The following ADGRB3 variants were observed in gnomAD, a reference collection of about 807,000 sequenced individuals.
ADGRB3 encodes the protein adhesion G protein-coupled receptor B3.
Under a neutral mutation model 193.4 loss-of-function variants are expected in ADGRB3, and 37 were observed. The observed-to-expected ratio is 0.19, with a 90% CI of 0.15 to 0.25. The LOEUF is 0.25. Ranked by LOEUF, ADGRB3 falls within the 10% of genes least tolerant of loss-of-function variation. The pLI is 1.00. For synonymous variants in ADGRB3, 690 were observed against 644.2 expected (o/e 1.07, Z -1.08); for missense variants, 1,637 against 1,852.9 (o/e 0.88, Z 2.14).
intron 3 of ADGRB3, among the ~76,000 whole-genome samples, chr6:68,732,248 T>C (rs532375243): frequency 3.5e-4 from 53 of 151,882 alleles, no homozygotes; most frequent in African/African-American, 1.3e-3. Flanking sequence ...GGGAGTTTGT[T>C]AGAGATTATT....
intron 31 of ADGRB3, among the ~76,000 whole-genome samples, chr6:69,383,716 C>A (rs1770001414): frequency 1.3e-5 from 2 of 152,000 alleles, no homozygotes; most frequent in Non-Finnish European, 1.5e-5. Flanking sequence ...TAATGTATAT[C>A]TTCCGTCATT....
At chr6:68,855,616 CAT>C (rs1303140648) in intron 3 of ADGRB3, among the ~76,000 whole-genome samples, 21 of 152,124 alleles carry the variant, frequency 1.4e-4, no homozygotes, top group Admixed American at 8.5e-4. Flanking sequence ...TTTTGTAACA[CAT>C]GTTAGATGAT....
At chr6:69,353,954 T>C (rs984539437) in intron 26 of ADGRB3, among the ~76,000 whole-genome samples, 1 of 152,034 alleles carries the variant, frequency 6.6e-6, no homozygotes, top group African/African-American at 2.4e-5. Context: ...TCCCAGCTAC[T>C]TGAGAGGCTG....
chr6:68,984,385 G>A (rs1386971197), intron 10 of ADGRB3, among the ~76,000 whole-genome samples: 2 of 152,210 alleles, frequency 1.3e-5, no homozygotes, highest in East Asian at 3.9e-4. Context: ...ATGAGGTTTT[G>A]GGTTGTCAAA....
At chr6:69,022,524 T>C (rs1271581937) in intron 13 of ADGRB3, among the ~76,000 whole-genome samples, 1 of 151,938 alleles carries the variant, frequency 6.6e-6, no homozygotes, top group Non-Finnish European at 1.5e-5. Context: ...TCTTATTATC[T>C]TTCTGAAGCT....
At chr6:69,349,369 A>C (rs1220273829) in intron 26 of ADGRB3, among the ~76,000 whole-genome samples, 1 of 152,246 alleles carries the variant, frequency 6.6e-6, no homozygotes, top group African/African-American at 2.4e-5. Flanking sequence ...TCCTTTAGAT[A>C]TTAAGGGATT....
intron 3 of ADGRB3, among the ~76,000 whole-genome samples, chr6:68,837,792 C>T (rs760887828): frequency 6.6e-6 from 1 of 152,114 alleles, no homozygotes; most frequent in Non-Finnish European, 1.5e-5. Flanking sequence ...GTGGATTTAT[C>T]GTTTGAGCCA....
chr6:69,004,793 C>A (rs1365487929), intron 11 of ADGRB3, among the ~76,000 whole-genome samples: 1 of 152,012 alleles, frequency 6.6e-6, no homozygotes, highest in African/African-American at 2.4e-5. Context: ...TTTAACATAA[C>A]GATTTTGGGG....
At chr6:69,240,697 A>G (rs1766366656) in intron 20 of ADGRB3, among the ~76,000 whole-genome samples, 1 of 152,032 alleles carries the variant, frequency 6.6e-6, no homozygotes, top group African/African-American at 2.4e-5. Context: ...AAGTAGAGAT[A>G]AAAGGGATGA....
intron 17 of ADGRB3, among the ~76,000 whole-genome samples, chr6:69,137,610 A>T (rs558710948): frequency 1.3e-5 from 2 of 152,112 alleles, no homozygotes; most frequent in Non-Finnish European, 2.9e-5. Context: ...CATCCTGGCC[A>T]ATATGATGAA....
chr6:68,648,231 T>TAGG (rs1488917962), intron 3 of ADGRB3, among the ~76,000 whole-genome samples: 2 of 152,182 alleles, frequency 1.3e-5, no homozygotes, highest in African/African-American at 4.8e-5. Context: ...ACTGAATGAA[T>TAGG]AGGAGCCTTC....
At chr6:68,823,516 C>A (rs886603449) in intron 3 of ADGRB3, among the ~76,000 whole-genome samples, 2 of 151,776 alleles carry the variant, frequency 1.3e-5, no homozygotes, top group African/African-American at 4.8e-5. Flanking sequence ...GTTTTATTTC[C>A]TTCATGTTTC....
intron 3 of ADGRB3, among the ~76,000 whole-genome samples, chr6:68,645,543 C>A (rs1768188836): frequency 6.6e-6 from 1 of 152,108 alleles, no homozygotes. Context: ...CTTAGTAGCA[C>A]CTTTGACAAG....
intron 17 of ADGRB3, among the ~76,000 whole-genome samples, chr6:69,114,298 A>C (rs907599298): frequency 6.6e-6 from 1 of 152,212 alleles, no homozygotes; most frequent in Non-Finnish European, 1.5e-5. Context: ...CTTGAAAATT[A>C]TACAAATCTT....
At chr6:69,033,162 T>C (rs1425182538) in intron 13 of ADGRB3, among the ~76,000 whole-genome samples, 2 of 152,164 alleles carry the variant, frequency 1.3e-5, no homozygotes, top group East Asian at 1.9e-4. Flanking sequence ...GAAAACAATA[T>C]GTGCTGTCTA....
chr6:69,343,794 A>T (rs187587773), intron 26 of ADGRB3, among the ~76,000 whole-genome samples: 11 of 152,312 alleles, frequency 7.2e-5, no homozygotes, highest in African/African-American at 2.4e-4. Flanking sequence ...TAGCAACAGA[A>T]CCTAAATCTT....
chr6:68,746,812 A>C (rs1766094856), intron 3 of ADGRB3, among the ~76,000 whole-genome samples: 1 of 152,084 alleles, frequency 6.6e-6, no homozygotes, highest in African/African-American at 2.4e-5. Context: ...GTTTGGAGAT[A>C]ATTTGATTTC....
intron 6 of ADGRB3, 123 bp from the exon 7 acceptor site, chr6:68,955,901 A>G: frequency 2.3e-6 from 2 of 866,352 alleles, no homozygotes; most frequent in East Asian, 5.6e-5. Context: ...GTGACCTTCC[A>G]TTGTATTCAT....
intron 3 of ADGRB3, among the ~76,000 whole-genome samples, chr6:68,929,835 C>A (rs1052936201): frequency 3.3e-5 from 5 of 151,962 alleles, no homozygotes; most frequent in Non-Finnish European, 7.4e-5. Flanking sequence ...TAGTACCAGA[C>A]ATTTTTTTTC....
Sources: allele counts gnomAD v4.1 joint callset (sites outside exome capture counted in the v4.1 genomes callset), GRCh38; gene constraint gnomAD v4.1.1; transcripts MANE v1.5; gene names NCBI Gene and HGNC (gene_info 2026-07-23, HGNC 2026-07-21).